The following GNAO1 variants were observed in gnomAD, a reference collection of about 807,000 sequenced individuals.
The protein encoded by GNAO1 is guanine nucleotide-binding protein G(o) subunit alpha.
For missense variants in GNAO1, 166 were observed against 478.7 expected (o/e 0.35, Z 6.10); for synonymous variants, 164 against 180.7 (o/e 0.91, Z 0.74).
chr16:56,307,125 C>T (rs35970950), intron 3 of GNAO1: 95,963 of 152,072 alleles, frequency 0.63, 30,498 homozygotes, highest in Middle Eastern at 0.67. Flanking sequence ...CCCCCAGGAG[C>T]TACAGAAACA....
intron 6 of GNAO1, chr16:56,346,695 T>C: frequency 1.0e-6 from 1 of 985,556 alleles, no homozygotes; most frequent in African/African-American, 1.7e-5. Context: ...AACAACACCA[T>C]ACCTGCTGCC....
intron 2 of GNAO1, among the ~76,000 whole-genome samples, chr16:56,268,483 C>T (rs2036981113): frequency 6.6e-6 from 1 of 152,194 alleles, no homozygotes; most frequent in African/African-American, 2.4e-5. Flanking sequence ...ATGACTCTAC[C>T]CCTTTTACTC....
chr16:56,270,379 T>C (rs2037004777), intron 2 of GNAO1: 1 of 152,174 alleles, frequency 6.6e-6, no homozygotes, highest in Non-Finnish European at 1.5e-5. Flanking sequence ...TTTGATACCC[T>C]GGCTTTGCAG....
At chr16:56,262,705 A>G (rs2036915230) in intron 2 of GNAO1, among the ~76,000 whole-genome samples, 2 of 152,222 alleles carry the variant, frequency 1.3e-5, no homozygotes, top group Non-Finnish European at 2.9e-5. Context: ...ACCTCACTTC[A>G]TTATGTCAGC....
chr16:56,267,899 C>A (rs1338230070), intron 2 of GNAO1, among the ~76,000 whole-genome samples: 1 of 151,860 alleles, frequency 6.6e-6, no homozygotes, highest in Admixed American at 6.6e-5. Flanking sequence ...TGCCCCCCAC[C>A]CCTACAGGAA....
chr16:56,245,137 T>TA (rs369359239), intron 2 of GNAO1, among the ~76,000 whole-genome samples: 145 of 146,760 alleles, frequency 9.9e-4, no homozygotes, highest in Admixed American at 1.5e-3. Flanking sequence ...ATTTTATAGA[T>TA]AAAAAAAAAA....
chr16:56,331,011 G>A (rs1209218387), intron 4 of GNAO1, among the ~76,000 whole-genome samples: 1 of 152,254 alleles, frequency 6.6e-6, no homozygotes, highest in Non-Finnish European at 1.5e-5. Flanking sequence ...TTAGCAGTTA[G>A]ACCTCAGCTT....
Position 56,192,624 on chromosome 16 carries a change from C to G in GNAO1, c.161+8C>G, listed in dbSNP as rs145872570. ...CATTGTGAAGCAGATGAAGTAAGTC[C>G]CTGTGGCATTGGGATTCGTACTTTT... On this transcript the variant is annotated splice_region_variant and intron_variant, in intron 2 of 8. Coordinates refer to ENST00000262493, the MANE Select transcript of GNAO1 (RefSeq NM_020988.3). The G allele has an allele frequency of 3.2e-6, 5 of 1,550,284 alleles. No homozygotes were observed. In the Admixed American group the frequency reaches 8.4e-5, roughly 26 times the overall value.
intron 3 of GNAO1, among the ~76,000 whole-genome samples, chr16:56,314,813 C>G (rs2037492826): frequency 1.3e-5 from 2 of 152,140 alleles, no homozygotes; most frequent in South Asian, 2.1e-4. Context: ...GAAAGGATCT[C>G]AGAGACCCCT....
chr16:56,250,581 C>T (rs180960843), intron 2 of GNAO1, among the ~76,000 whole-genome samples: 78 of 152,272 alleles, frequency 5.1e-4, no homozygotes, highest in African/African-American at 7.0e-4. Flanking sequence ...ATTGAGATTG[C>T]GTATCAAACC....
At chr16:56,277,922 C>A (rs2037078677) in intron 3 of GNAO1, among the ~76,000 whole-genome samples, 1 of 151,966 alleles carries the variant, frequency 6.6e-6, no homozygotes, top group Non-Finnish European at 1.5e-5. Flanking sequence ...TGATTATAAC[C>A]CAGCAAAGTC....
At chr16:56,319,425 G>C (rs542510430) in intron 3 of GNAO1, among the ~76,000 whole-genome samples, 2 of 152,268 alleles carry the variant, frequency 1.3e-5, no homozygotes, top group Non-Finnish European at 2.9e-5. Context: ...CTGGTGGGTA[G>C]GAGCTGGGTA....
intron 3 of GNAO1, among the ~76,000 whole-genome samples, chr16:56,292,234 A>G (rs977719496): frequency 2.6e-5 from 4 of 152,148 alleles, no homozygotes; most frequent in Non-Finnish European, 5.9e-5. Flanking sequence ...CCTACAATTC[A>G]CTGAGCATCT....
intron 3 of GNAO1, among the ~76,000 whole-genome samples, chr16:56,305,614 A>G (rs2037386471): frequency 6.6e-6 from 1 of 152,158 alleles, no homozygotes; most frequent in Non-Finnish European, 1.5e-5. Flanking sequence ...CCTTGACCCC[A>G]CATGGCCTTG....
At chr16:56,279,684 A>T (rs2037096852) in intron 3 of GNAO1, among the ~76,000 whole-genome samples, 1 of 152,194 alleles carries the variant, frequency 6.6e-6, no homozygotes, top group African/African-American at 2.4e-5. Flanking sequence ...TGGCATGAAG[A>T]TGAATTGTTT....
intron 6 of GNAO1, chr16:56,347,300 T>G (rs1435347700): frequency 4.1e-6 from 4 of 985,306 alleles, no homozygotes; most frequent in Non-Finnish European, 4.8e-6. Context: ...CACCAGAGAT[T>G]CAGTGTGCAG....
At chr16:56,225,959 G>A (rs2143382256) in intron 2 of GNAO1, among the ~76,000 whole-genome samples, 2 of 152,020 alleles carry the variant, frequency 1.3e-5, no homozygotes, top group Middle Eastern at 3.4e-3. Context: ...CCATGGAAAG[G>A]TGTGGGGAAA....
intron 2 of GNAO1, among the ~76,000 whole-genome samples, chr16:56,249,480 C>A (rs1567454599): frequency 6.6e-6 from 1 of 152,020 alleles, no homozygotes; most frequent in Non-Finnish European, 1.5e-5. Context: ...GAGAGGAGTG[C>A]TGGGGAGGAG....
intron 6 of GNAO1, chr16:56,346,830 C>G: frequency 1.0e-6 from 1 of 985,508 alleles, no homozygotes; most frequent in Non-Finnish European, 1.2e-6. Flanking sequence ...GAGGCAGCCC[C>G]AAGTTCCAAC....
Sources: gnomAD v4.1 joint callset for allele counts (sites outside exome capture counted in the v4.1 genomes callset) on GRCh38, gnomAD v4.1.1 for gene constraint, MANE v1.5 for transcripts, NCBI Gene and HGNC (gene_info 2026-07-23, HGNC 2026-07-21) for gene names.